The following MICU1 variants were observed in gnomAD, a reference collection of about 807,000 sequenced individuals.
The protein encoded by MICU1 is calcium uptake protein 1, mitochondrial.
In MICU1, 45 loss-of-function variants were observed where a neutral mutation model predicts 56.8. That is an observed-to-expected ratio of 0.79 (90% confidence interval 0.62 to 1.02). The LOEUF is 1.02. Among genes scored for constraint, MICU1 ranks in the 50% least tolerant of loss-of-function variants. The probability of loss-of-function intolerance (pLI) is 0.00; values close to 1 mark genes in which losing one functional copy is unlikely to be tolerated. For synonymous variants in MICU1, 186 were observed against 195.1 expected, an observed-to-expected ratio of 0.95 and a Z score of 0.39; for missense variants, 504 against 587.1, an observed-to-expected ratio of 0.86 and a Z score of 1.46.
chr10:72,496,516 G>C (rs556860192), intron 6 of MICU1, among the ~76,000 whole-genome samples: 1 of 152,110 alleles, frequency 6.6e-6, no homozygotes, highest in Non-Finnish European at 1.5e-5. Flanking sequence ...TGGCCAGGCT[G>C]GTCTTGAACT....
At chr10:72,482,339 G>A (rs1209051452) in intron 6 of MICU1, among the ~76,000 whole-genome samples, 1 of 152,060 alleles carries the variant, frequency 6.6e-6, no homozygotes, top group Admixed American at 6.6e-5. Flanking sequence ...ATTTTCTATT[G>A]GTTTGATTCT....
intron 1 of MICU1, among the ~76,000 whole-genome samples, chr10:72,572,160 A>G (rs958290570): frequency 6.6e-6 from 1 of 152,140 alleles, no homozygotes; most frequent in Non-Finnish European, 1.5e-5. Flanking sequence ...TGGTAAAATG[A>G]AAGAATTGCG....
Position 72,508,281 on chromosome 10 carries a change from A to G in MICU1, c.538-12T>C. 1.5e-6 allele frequency: 2 copies of G among 1,352,614 alleles called. No homozygotes were observed. Among genetic ancestry groups the G allele is most frequent in the East Asian group, 4.9e-5 (2 of 41,170 alleles). The allele number at this position is 1,352,614 out of a possible 1,614,324, so 83.8% of individuals were successfully genotyped here. On this transcript the variant is annotated splice_polypyrimidine_tract_variant and intron_variant, in intron 5 of 11. Coordinates refer to ENST00000361114, the MANE Select transcript of MICU1 (RefSeq NM_001195518.2). ...TCCTGGGAAATTTTCTATAGAATGTATGGGTCCCACCAAAAGACAAAAATA... is the reference window on the plus strand; with the variant it reads ...TCCTGGGAAATTTTCTATAGAATGTGTGGGTCCCACCAAAAGACAAAAATA...
At position 72,590,111 on chromosome 10, in the gene MICU1, A is replaced by G. The variant is rs1012447770; in HGVS notation, c.-1-23317T>C. Among the ~76,000 whole-genome samples the G allele has an allele frequency of 2.0e-5, 3 of 152,208 alleles. No homozygotes were observed. The East Asian group carries it at 5.8e-4, about 29-fold the overall frequency. ...CTCTCCAATCAAAAGACATACTGGC[A>G]AAACAGATTTTTTTTTAAACATGAC... On this transcript the variant is annotated intron_variant, in intron 1 of 11. Transcript: ENST00000361114.
intron 8 of MICU1, among the ~76,000 whole-genome samples, chr10:72,429,949 G>A (rs1864472189): frequency 6.6e-6 from 1 of 152,080 alleles, no homozygotes; most frequent in South Asian, 2.1e-4. Flanking sequence ...ATTTCTCTCT[G>A]GTCTCAGTAT....
chr10:72,479,638 G>C (rs907871735), intron 6 of MICU1, among the ~76,000 whole-genome samples: 3 of 152,150 alleles, frequency 2.0e-5, no homozygotes, highest in Admixed American at 1.3e-4. Flanking sequence ...AAGCAATCCT[G>C]CCTCAGCCTC....
chr10:72,502,215 C>T (rs562158893), intron 6 of MICU1, among the ~76,000 whole-genome samples: 8 of 146,506 alleles, frequency 5.5e-5, no homozygotes, highest in East Asian at 4.1e-4. Context: ...AGTGCAGTGG[C>T]GCAACCTCAG....
intron 1 of MICU1, among the ~76,000 whole-genome samples, chr10:72,586,451 G>GACCA (rs1394688087): frequency 2.0e-5 from 3 of 152,014 alleles, no homozygotes; most frequent in Non-Finnish European, 4.4e-5. Flanking sequence ...AGGAGTTCAA[G>GACCA]ACCACCCTGA....
intron 4 of MICU1, among the ~76,000 whole-genome samples, chr10:72,535,039 A>ATTTTATTTTATTTTATTTTATTTTAT (rs367546666): frequency 1.1e-4 from 13 of 123,108 alleles, no homozygotes; most frequent in African/African-American, 2.0e-4. Context: ...TATTTTATTT[A>ATTTTATTTTATTTTATTTTATTTTAT]TTTATTTTGA....
intron 10 of MICU1, among the ~76,000 whole-genome samples, chr10:72,402,915 T>C (rs1273605431): frequency 2.6e-5 from 4 of 152,080 alleles, no homozygotes; most frequent in Non-Finnish European, 4.4e-5. Flanking sequence ...CGTGGTGGCA[T>C]GAGCCTGTGG....
intron 8 of MICU1, among the ~76,000 whole-genome samples, chr10:72,473,678 G>C (rs746788394): frequency 6.6e-6 from 1 of 152,082 alleles, no homozygotes; most frequent in Non-Finnish European, 1.5e-5. Context: ...AACTCAAACA[G>C]ACAGGGGACT....
intron 4 of MICU1, among the ~76,000 whole-genome samples, chr10:72,537,491 C>T (rs116914163): frequency 0.017 from 2,524 of 152,278 alleles, 20 homozygotes; most frequent in Non-Finnish European, 0.024. Flanking sequence ...CTTAGAAACA[C>T]CAGACTATAG....
chr10:72,370,468 G>A (rs1468665469), intron 11 of MICU1, among the ~76,000 whole-genome samples: 1 of 151,918 alleles, frequency 6.6e-6, no homozygotes, highest in Non-Finnish European at 1.5e-5. Context: ...TCAGAGACAG[G>A]AAACCCCCCA....
chr10:72,415,021 T>G (rs905228547), intron 9 of MICU1, among the ~76,000 whole-genome samples: 3 of 150,558 alleles, frequency 2.0e-5, no homozygotes, highest in Admixed American at 1.3e-4. Flanking sequence ...TAGTTTTTTT[T>G]TTTTTTTTTT....
intron 10 of MICU1, among the ~76,000 whole-genome samples, chr10:72,406,949 CTCA>C (rs2132101595): frequency 6.6e-6 from 1 of 152,252 alleles, no homozygotes; most frequent in East Asian, 1.9e-4. Flanking sequence ...TGGGTTACTA[CTCA>C]TCATAAAAAA....
chr10:72,561,870 C>T (rs1054907797), intron 3 of MICU1, among the ~76,000 whole-genome samples: 2 of 152,178 alleles, frequency 1.3e-5, no homozygotes, highest in Admixed American at 6.5e-5. Context: ...CCAGATTTTA[C>T]AAAGAACTCT....
chr10:72,448,073 A>G (rs1865160815), intron 8 of MICU1, among the ~76,000 whole-genome samples: 1 of 149,502 alleles, frequency 6.7e-6, no homozygotes, highest in African/African-American at 2.5e-5. Context: ...GCCATTGCAT[A>G]GGTGATGAGC....
At chr10:72,606,603 A>G (rs1406785317) in intron 1 of MICU1, among the ~76,000 whole-genome samples, 1 of 151,920 alleles carries the variant, frequency 6.6e-6, no homozygotes, top group Non-Finnish European at 1.5e-5. Flanking sequence ...TAAGAAATAT[A>G]TATATATATA....
chr10:72,596,504 A>G (rs984747224), intron 1 of MICU1, among the ~76,000 whole-genome samples: 1 of 152,160 alleles, frequency 6.6e-6, no homozygotes, highest in African/African-American at 2.4e-5. Flanking sequence ...TCTGAACCAT[A>G]CACTTAAAAA....
Sources: gnomAD v4.1 joint callset for allele counts (sites outside exome capture counted in the v4.1 genomes callset) on GRCh38, gnomAD v4.1.1 for gene constraint, MANE v1.5 for transcripts, NCBI Gene and HGNC (gene_info 2026-07-23, HGNC 2026-07-21) for gene names.